The following CCDC197 variants were observed in gnomAD, a reference collection of about 807,000 sequenced individuals.
The protein encoded by CCDC197 is coiled-coil domain containing 197, also known as uncharacterized protein CCDC197.
Under a neutral mutation model 13.4 loss-of-function variants are expected in CCDC197, and 24 were observed. The ratio of observed to expected loss-of-function variants is 1.80; its 90% CI spans 1.30 to 2.53. The LOEUF is 2.53. CCDC197 is among the 30% of genes most tolerant of loss of function. The probability of loss-of-function intolerance (pLI) is 0.00; values close to 1 mark genes in which losing one functional copy is unlikely to be tolerated. For missense variants in CCDC197, 255 were observed against 148.8 expected (o/e 1.71, Z -3.71); for synonymous variants, 99 against 55.5 (o/e 1.78, Z -3.48).
At chr14:93,996,822 G>A (rs1455320491), upstream of CCDC197, among the ~76,000 whole-genome samples, 1 of 152,252 alleles carries the variant, frequency 6.6e-6, no homozygotes, top group African/African-American at 2.4e-5. Flanking sequence ...CACAGGTCCA[G>A]TGGCTCCAAC....
chr14:94,007,267 G>A (rs1209826935), intron 6 of CCDC197: 1 of 152,150 alleles, frequency 6.6e-6, no homozygotes, highest in Non-Finnish European at 1.5e-5. Context: ...CTACTGTTTA[G>A]GTCTGTGGTT....
At chr14:93,996,742 G>C (rs1371827290), upstream of CCDC197, among the ~76,000 whole-genome samples, 1 of 152,120 alleles carries the variant, frequency 6.6e-6, no homozygotes. Context: ...GCAGGGTGGT[G>C]CGTGTGGTGG....
downstream of CCDC197, among the ~76,000 whole-genome samples, chr14:94,010,731 G>A (rs981401766): frequency 2.6e-4 from 40 of 152,178 alleles, no homozygotes; most frequent in African/African-American, 8.2e-4. Context: ...GGGGGACCAC[G>A]TGGGGCCCCA....
chr14:94,011,361 GC>G (rs1387935141), downstream of CCDC197, among the ~76,000 whole-genome samples: 1 of 152,238 alleles, frequency 6.6e-6, no homozygotes, highest in Non-Finnish European at 1.5e-5. Flanking sequence ...TTGGGGAGGA[GC>G]GGGATTGGAA....
chr14:94,000,101 AGGTTT>A (rs1890447274), intron 3 of CCDC197, among the ~76,000 whole-genome samples: 1 of 152,082 alleles, frequency 6.6e-6, no homozygotes, highest in African/African-American at 2.4e-5. Context: ...ATCTGAGATG[AGGTTT>A]TCTGTGTTGT....
chr14:94,004,830 C>G (rs1336241042), intron 5 of CCDC197, 25 bp from the exon 6 acceptor site: 16 of 701,756 alleles, frequency 2.3e-5, no homozygotes, highest in Non-Finnish European at 3.6e-5. Flanking sequence ...CCTGAGCCAC[C>G]ACCTCCTCCT....
At chr14:93,999,351 G>A (rs1299617777) in intron 2 of CCDC197, 4 of 518,814 alleles carry the variant, frequency 7.7e-6, no homozygotes, top group Non-Finnish European at 1.4e-5. Flanking sequence ...CTTCTTTGCT[G>A]CCTGGGAGAT....
chr14:94,009,316 C>A (rs1890771948), downstream of CCDC197, among the ~76,000 whole-genome samples: 1 of 152,148 alleles, frequency 6.6e-6, no homozygotes, highest in South Asian at 2.1e-4. Context: ...AAGTTGAGTA[C>A]CAGGTTGGTA....
At chr14:93,994,839 C>T (rs1295575607), upstream of CCDC197, among the ~76,000 whole-genome samples, 1 of 152,156 alleles carries the variant, frequency 6.6e-6, no homozygotes, top group African/African-American at 2.4e-5. Flanking sequence ...AGTGAAGGTC[C>T]CATAACCAGA....
intron 4 of CCDC197, 149 bp downstream of exon 4, chr14:94,001,472 G>T (rs1890506993): frequency 1.8e-6 from 1 of 552,008 alleles, no homozygotes; most frequent in East Asian, 3.1e-5. Context: ...CTCCTGAGCC[G>T]CCTTCCATAT....
At chr14:93,996,108 C>A (rs768163139), upstream of CCDC197, among the ~76,000 whole-genome samples, 12 of 152,306 alleles carry the variant, frequency 7.9e-5, no homozygotes, top group Non-Finnish European at 1.5e-4. Context: ...GGGACTCCCC[C>A]ACCCCTCCTT....
chr14:93,988,294 G>A (rs1890137868), intron 1 of CCDC197, among the ~76,000 whole-genome samples: 1 of 110,944 alleles, frequency 9.0e-6, no homozygotes, highest in African/African-American at 3.6e-5. Flanking sequence ...AGGAGGGGAT[G>A]GGAGGAGGAA....
chr14:93,998,575 T>C (rs1890393889), intron 2 of CCDC197, among the ~76,000 whole-genome samples: 1 of 152,084 alleles, frequency 6.6e-6, no homozygotes, highest in Non-Finnish European at 1.5e-5. Flanking sequence ...CCGCCTTGAC[T>C]CTTAGTGGTG....
intron 2 of CCDC197, among the ~76,000 whole-genome samples, chr14:93,999,117 G>A (rs1399541373): frequency 6.6e-6 from 1 of 152,206 alleles, no homozygotes; most frequent in Non-Finnish European, 1.5e-5. Context: ...CTGATGGAGT[G>A]CCCCCAAGGC....
chr14:94,010,550 G>A (rs575671596), downstream of CCDC197, among the ~76,000 whole-genome samples: 4 of 152,308 alleles, frequency 2.6e-5, no homozygotes, highest in African/African-American at 9.6e-5. Flanking sequence ...CCGCTGTTCC[G>A]AGTTTCTTGT....
intron 2 of CCDC197, chr14:93,999,373 C>T (rs1005046078): frequency 3.1e-5 from 17 of 554,464 alleles, no homozygotes; most frequent in South Asian, 9.0e-5. Context: ...CTGCTATGGG[C>T]GTTTATTTGA....
chr14:93,996,806 C>A (rs757875028), upstream of CCDC197, among the ~76,000 whole-genome samples: 1 of 152,236 alleles, frequency 6.6e-6, no homozygotes, highest in Non-Finnish European at 1.5e-5. Context: ...CCACCTTCCC[C>A]GGTGGCACAG....
chr14:93,989,872 G>T (rs112362266), intron 1 of CCDC197, among the ~76,000 whole-genome samples: 3 of 152,304 alleles, frequency 2.0e-5, no homozygotes, highest in African/African-American at 7.2e-5. Flanking sequence ...AACTTACTCA[G>T]GTGGTTGGCA....
At chr14:94,002,133 C>T (rs967625311) in intron 4 of CCDC197, among the ~76,000 whole-genome samples, 1 of 152,172 alleles carries the variant, frequency 6.6e-6, no homozygotes, top group African/African-American at 2.4e-5. Flanking sequence ...TAGGGAAAGG[C>T]AAGTCCAGCC....
Sources: allele counts gnomAD v4.1 joint callset (sites outside exome capture counted in the v4.1 genomes callset), GRCh38; gene constraint gnomAD v4.1.1; transcripts MANE v1.5; gene names NCBI Gene and HGNC (gene_info 2026-07-23, HGNC 2026-07-21).